The following FGD6 variants were observed in gnomAD, a reference collection of about 807,000 sequenced individuals.
FGD6 encodes FYVE, RhoGEF and PH domain-containing protein 6.
A neutral mutation model predicts 149.4 loss-of-function variants in FGD6; 90 were observed. That is an observed-to-expected ratio of 0.60 (90% CI 0.51 to 0.72). The LOEUF is 0.72. Ranked by LOEUF, FGD6 falls within the 30% of genes least tolerant of loss-of-function variation. FGD6 has a pLI of 0.00. For missense variants in FGD6, 1,437 were observed against 1,684.8 expected, an observed-to-expected ratio of 0.85 and a Z score of 2.57; for synonymous variants, 527 against 584.0, an observed-to-expected ratio of 0.90 and a Z score of 1.41.
In FGD6 at chr12:95,210,465, C is replaced by A. The variant is rs765668258; in HGVS notation, c.819G>T (p.Glu273Asp). Residue 273 changes from glutamate (E) to aspartate (D), a missense_variant, in exon 2 of 21, where the codon GAG becomes GAT. Glu to Asp is a conservative substitution (Grantham distance 45, BLOSUM62 2). Around this residue, in one of 2 missense-constraint regions of FGD6, gnomAD observed 1,055 missense variants for 1,146.0 expected, o/e 0.92. Coordinates refer to ENST00000343958, the MANE Select transcript of FGD6 (RefSeq NM_018351.4). ...TACTCCTTTTCCCATTTTCCAGAGC[C>A]TCTAGTTCAGATGACTGAAAGCAAT... ...SNNCFQSSELEALENGKRSTL... is the reference protein window; with the variant it reads ...SNNCFQSSELDALENGKRSTL... 6.2e-7 allele frequency: 1 copy of A among 1,614,080 alleles called. No individual in the cohort carries two copies. Among genetic ancestry groups the A allele is most frequent in the Non-Finnish European group, 8.5e-7 (1 of 1,180,016 alleles).
At chr12:95,129,492 G>C (rs1219180662) in intron 8 of FGD6, among the ~76,000 whole-genome samples, 1 of 152,122 alleles carries the variant, frequency 6.6e-6, no homozygotes, top group Non-Finnish European at 1.5e-5. Flanking sequence ...CTGACACTGG[G>C]ATAGGATAAT....
Position 95,154,055 on chromosome 12 carries a change from G to T in FGD6, c.2587-1062C>A, listed in dbSNP as rs187095585. Among the ~76,000 whole-genome samples, 118 of 152,170 alleles carry T rather than the reference G, an allele frequency of 7.8e-4. No homozygotes were observed. In the East Asian group the frequency reaches 0.022, roughly 28 times the overall value. On this transcript the variant is annotated intron_variant, in intron 3 of 20. Transcript: ENST00000343958. ...GCTCACTGCAACCTCTGCCTCCGGG[G>T]TTCGAGAGATTCTCCTGCCTCAGCC...
intron 3 of FGD6, among the ~76,000 whole-genome samples, chr12:95,164,270 C>T (rs1326778113): frequency 7.2e-6 from 1 of 139,692 alleles, no homozygotes; most frequent in Non-Finnish European, 1.5e-5. Context: ...GAGACGGAGT[C>T]TCGCTCTGTC....
At chr12:95,145,331 T>A (rs1471565587) in intron 5 of FGD6, among the ~76,000 whole-genome samples, 1 of 152,164 alleles carries the variant, frequency 6.6e-6, no homozygotes, top group African/African-American at 2.4e-5. Context: ...AAAGATTCTG[T>A]ACTGGTCAGG....
intron 3 of FGD6, among the ~76,000 whole-genome samples, chr12:95,164,768 T>A (rs7487993): frequency 2.6e-5 from 4 of 152,122 alleles, no homozygotes; most frequent in African/African-American, 7.2e-5. Flanking sequence ...AAAAGGCCTC[T>A]TCTATCCTAC....
chr12:95,101,626 G>T (rs1020071863), intron 14 of FGD6, among the ~76,000 whole-genome samples: 1 of 150,866 alleles, frequency 6.6e-6, no homozygotes, highest in South Asian at 2.1e-4. Context: ...TAAGAACCAA[G>T]CTCAAGCACT....
In FGD6 at chr12:95,082,357, T is replaced by C. The variant is rs148958373; in HGVS notation, c.4257-801A>G. ...ATCTAGTGTTGATCAAAAGTTTGCATGCTGTATGAGAGCTTCTCGGCTGGG... is the reference window on the plus strand; with the variant it reads ...ATCTAGTGTTGATCAAAAGTTTGCACGCTGTATGAGAGCTTCTCGGCTGGG... On this transcript the variant is annotated intron_variant, in intron 20 of 20. Coordinates refer to ENST00000343958, the MANE Select transcript of FGD6 (RefSeq NM_018351.4). Among the ~76,000 whole-genome samples, 464 of 152,170 alleles carry C rather than the reference T, an allele frequency of 3.0e-3. 2 individuals carry two copies. Among genetic ancestry groups the C allele is most frequent in the Admixed American group, 8.8e-3 (134 of 15,278 alleles).
chr12:95,082,593 G>C, intron 20 of FGD6, among the ~76,000 whole-genome samples: 1 of 146,658 alleles, frequency 6.8e-6, no homozygotes, highest in East Asian at 2.0e-4. Flanking sequence ...GGAGGCAGAG[G>C]TTGCAGTGAG....
rs896685993 is a variant in FGD6 at position 95,210,561 on chromosome 12, G to A, written c.723C>T (p.Cys241=). 8.7e-6 allele frequency: 14 copies of A among 1,614,166 alleles called. No individual in the cohort carries two copies. Among genetic ancestry groups the A allele is most frequent in the Non-Finnish European group, 1.2e-5 (14 of 1,180,024 alleles). The change falls in exon 2 of 21, where the codon TGC becomes TGT. Residue 241 remains cysteine (C), a synonymous_variant. Transcript: ENST00000343958. The part of the protein sequence containing the change: ...SFEKVPDHHS[C]HLQLPSDECE... ...ATTCATCACTAGGAAGCTGTAAGTG[G>A]CAACTGTGATGATCAGGAACTTTTT...
intron 8 of FGD6, among the ~76,000 whole-genome samples, chr12:95,133,292 C>T (rs1171658043): frequency 6.6e-6 from 1 of 152,132 alleles, no homozygotes; most frequent in Non-Finnish European, 1.5e-5. Flanking sequence ...GTGGTGCACA[C>T]CTGTAATCCC....
At chr12:95,087,453 C>T (rs1295369337) in intron 18 of FGD6, among the ~76,000 whole-genome samples, 1 of 152,174 alleles carries the variant, frequency 6.6e-6, no homozygotes, top group African/African-American at 2.4e-5. Context: ...AACAAAGTAG[C>T]AATGTTGAGA....
intron 5 of FGD6, among the ~76,000 whole-genome samples, chr12:95,146,051 G>C (rs1880006914): frequency 6.6e-6 from 1 of 152,004 alleles, no homozygotes; most frequent in Non-Finnish European, 1.5e-5. Flanking sequence ...TGAATAATTG[G>C]GCTCCACTCC....
At position 95,079,671 on chromosome 12, in the gene FGD6, A is replaced by G. The variant is rs1877608013; in HGVS notation, c.*1849T>C. The stretch of plus-strand genomic sequence containing the variant: ...ACAAAGAAATTTTAGTGTACCTGCT[A>G]TGACAGAAAGGGGATGGCATGTTAG... On this transcript the variant is annotated 3_prime_UTR_variant, in exon 21 of 21. Coordinates refer to ENST00000343958, the MANE Select transcript of FGD6 (RefSeq NM_018351.4). The G allele has an allele frequency of 1.3e-5, 2 of 152,210 alleles. No individual in the cohort carries two copies. Among genetic ancestry groups the G allele is most frequent in the South Asian group, 4.1e-4 (2 of 4,834 alleles). The allele number at this position is 152,210 out of a possible 1,614,324, so 9.4% of individuals were successfully genotyped here.
chr12:95,214,740 ACT>A (rs2056744827), intron 1 of FGD6, among the ~76,000 whole-genome samples: 1 of 152,048 alleles, frequency 6.6e-6, no homozygotes, highest in Admixed American at 6.6e-5. Flanking sequence ...TCACGTGTAC[ACT>A]CTCTGGCTAC....
chr12:95,157,310 T>C (rs1280066594), intron 3 of FGD6, among the ~76,000 whole-genome samples: 1 of 152,124 alleles, frequency 6.6e-6, no homozygotes, highest in African/African-American at 2.4e-5. Flanking sequence ...CTGACGCCTG[T>C]AATCCCAGCA....
intron 2 of FGD6, among the ~76,000 whole-genome samples, chr12:95,181,941 CAAA>C (rs767271799): frequency 9.8e-6 from 1 of 101,608 alleles, no homozygotes; most frequent in Non-Finnish European, 2.1e-5. Context: ...GAGATTCTCT[CAAA>C]AAAAAAAAAA....
chr12:95,209,344 A>T lies in FGD6; in HGVS notation c.1940T>A (p.Phe647Tyr), dbSNP rs1214884624. ...TCCGAGTTGGCTACTCTTGGACCAA[A>T]ATTTTTGAAAGTCACTCTTCATGAA... is the stretch of plus-strand genomic sequence containing the variant. The part of the protein sequence containing the change: ...ICFMKSDFQK[F>Y]WSKSSQLGDT... Residue 647 changes from phenylalanine to tyrosine, a missense_variant, in exon 2 of 21, where the codon TTT (phenylalanine) becomes TAT (tyrosine). Coordinates refer to ENST00000343958, the MANE Select transcript of FGD6 (RefSeq NM_018351.4). 2 of 1,612,906 alleles carry T rather than the reference A, an allele frequency of 1.2e-6. No individual in the cohort carries two copies. Among genetic ancestry groups the T allele is most frequent in the Non-Finnish European group, 1.7e-6 (2 of 1,179,414 alleles).
intron 14 of FGD6, among the ~76,000 whole-genome samples, chr12:95,095,253 G>A (rs1878196967): frequency 6.6e-6 from 1 of 152,124 alleles, no homozygotes; most frequent in Non-Finnish European, 1.5e-5. Flanking sequence ...TTTTGTTAGG[G>A]CTTCTCTACC....
intron 9 of FGD6, among the ~76,000 whole-genome samples, chr12:95,111,807 C>A (rs1226793153): frequency 6.6e-6 from 1 of 151,872 alleles, no homozygotes; most frequent in Admixed American, 6.6e-5. Flanking sequence ...TTAAAAAAAA[C>A]CGCCTTTAAA....
Sources: allele counts gnomAD v4.1 joint callset (sites outside exome capture counted in the v4.1 genomes callset), GRCh38; gene constraint gnomAD v4.1.1; regional missense constraint gnomAD v4.1.1; transcripts MANE v1.5; gene names NCBI Gene and HGNC (gene_info 2026-07-23, HGNC 2026-07-21).